The following ST8SIA6 variants were observed in gnomAD, a reference collection of about 807,000 sequenced individuals.
ST8SIA6 encodes ST8 alpha-N-acetyl-neuraminide alpha-2,8-sialyltransferase 6.
Under a neutral mutation model 33.6 loss-of-function variants are expected in ST8SIA6, and 39 were observed. The ratio of observed to expected loss-of-function variants is 1.16; its 90% CI spans 0.90 to 1.52. The LOEUF (loss-of-function observed/expected upper bound fraction) is 1.52, where lower values mean the gene tolerates loss of function less well. ST8SIA6 is among the 40% of genes most tolerant of loss of function. The probability of loss-of-function intolerance (pLI) is 0.00; values close to 1 mark genes in which losing one functional copy is unlikely to be tolerated. For synonymous variants in ST8SIA6, 172 were observed against 167.2 expected (o/e 1.03, Z -0.22); for missense variants, 441 against 443.8 (o/e 0.99, Z 0.06).
rs1475545921 is a variant in ST8SIA6, at chr10:17,320,591, A to C, written c.*287T>G. On this transcript the variant is annotated 3_prime_UTR_variant, in exon 8 of 8. Coordinates refer to ENST00000377602, the MANE Select transcript of ST8SIA6 (RefSeq NM_001004470.3). Reference sequence around the variant, plus strand: ...TGGCTGGTATAAATAGTAAGAAAGAAATATTCTTTGAGTCCCTACCTCACA... The same window carrying C: ...TGGCTGGTATAAATAGTAAGAAAGACATATTCTTTGAGTCCCTACCTCACA... 1 of 370,600 alleles carries C rather than the reference A, an allele frequency of 2.7e-6. No individual in the cohort carries two copies. Among genetic ancestry groups the C allele is most frequent in the Non-Finnish European group, 4.9e-6 (1 of 204,208 alleles). The allele number at this position is 370,600 out of a possible 1,614,324, so 23.0% of individuals were successfully genotyped here. A position where few individuals can be genotyped will look rare whatever the true frequency, so the allele number is the denominator to read the frequency against.
At chr10:17,361,729 C>T (rs113748317) in intron 3 of ST8SIA6, among the ~76,000 whole-genome samples, 1 of 145,806 alleles carries the variant, frequency 6.9e-6, no homozygotes, top group African/African-American at 2.5e-5. Flanking sequence ...AAAAAAAAAC[C>T]GGGCAGGCCA....
intron 2 of ST8SIA6, among the ~76,000 whole-genome samples, chr10:17,401,167 A>G (rs1489972299): frequency 6.6e-6 from 1 of 152,068 alleles, no homozygotes; most frequent in East Asian, 1.9e-4. Flanking sequence ...TCATGAGTGA[A>G]CTCCCATTCA....
chr10:17,336,594 C>CTT (rs10536702), intron 4 of ST8SIA6, among the ~76,000 whole-genome samples: 17 of 126,916 alleles, frequency 1.3e-4, no homozygotes, highest in African/African-American at 3.9e-4. Flanking sequence ...CACATGTGTG[C>CTT]TTTTTTTTTT....
intron 3 of ST8SIA6, among the ~76,000 whole-genome samples, chr10:17,382,720 G>GA (rs1272573700): frequency 6.6e-6 from 1 of 152,200 alleles, no homozygotes; most frequent in Non-Finnish European, 1.5e-5. Context: ...AAAATAAACT[G>GA]CATGCCTGAG....
intron 3 of ST8SIA6, among the ~76,000 whole-genome samples, chr10:17,374,739 T>TA (rs1490969185): frequency 1.8e-4 from 13 of 70,916 alleles, no homozygotes; most frequent in East Asian, 5.9e-4. Context: ...AATAAATAAA[T>TA]AAATAAATAA....
chr10:17,443,137 A>T, intron 2 of ST8SIA6, among the ~76,000 whole-genome samples: 1 of 152,238 alleles, frequency 6.6e-6, no homozygotes, highest in East Asian at 1.9e-4. Context: ...GCAAACAGTA[A>T]AGCAACATTG....
At chr10:17,361,773 C>T (rs541667550) in intron 3 of ST8SIA6, among the ~76,000 whole-genome samples, 36 of 149,628 alleles carry the variant, frequency 2.4e-4, no homozygotes, top group East Asian at 7.8e-4. Context: ...AAAAAATCCT[C>T]GACAAAATAT....
At chr10:17,355,476 A>G (rs1216073990) in intron 4 of ST8SIA6, among the ~76,000 whole-genome samples, 1 of 152,180 alleles carries the variant, frequency 6.6e-6, no homozygotes, top group Admixed American at 6.5e-5. Flanking sequence ...ACAAAGATAA[A>G]CAAGATAATG....
At chr10:17,439,772 A>G (rs1308341965) in intron 2 of ST8SIA6, among the ~76,000 whole-genome samples, 3 of 152,220 alleles carry the variant, frequency 2.0e-5, no homozygotes, top group African/African-American at 7.2e-5. Context: ...CTCCCAGGCC[A>G]ACGGCATGTG....
chr10:17,362,651 T>A (rs7073630), intron 3 of ST8SIA6, among the ~76,000 whole-genome samples: 54,745 of 152,004 alleles, frequency 0.36, 10,170 homozygotes, highest in East Asian at 0.6. Flanking sequence ...AGGACTGACC[T>A]TTTCTAGCCC....
chr10:17,396,772 C>T (rs773806034), intron 2 of ST8SIA6, among the ~76,000 whole-genome samples: 3 of 152,194 alleles, frequency 2.0e-5, no homozygotes, highest in Non-Finnish European at 4.4e-5. Flanking sequence ...CCATCTATTG[C>T]CTTACCTTTC....
At chr10:17,333,960 G>A (rs1848418247) in intron 4 of ST8SIA6, among the ~76,000 whole-genome samples, 1 of 148,884 alleles carries the variant, frequency 6.7e-6, no homozygotes, top group Non-Finnish European at 1.5e-5. Context: ...GGCCTCAAGT[G>A]ATCTGCACCC....
At chr10:17,383,576 CT>C (rs954339739) in intron 3 of ST8SIA6, among the ~76,000 whole-genome samples, 2 of 152,092 alleles carry the variant, frequency 1.3e-5, no homozygotes, top group Non-Finnish European at 2.9e-5. Context: ...CTTAAAACTT[CT>C]TTTTCATCCA....
In ST8SIA6 at chr10:17,337,385, C is replaced by T. The variant is rs147313701; in HGVS notation, c.378-5833G>A. ...TGTTCTTTATTCCTGGAGTAGTAGTCCATGGTATGGATGTACCAGAGTTGG... is the reference window on the plus strand; with the variant it reads ...TGTTCTTTATTCCTGGAGTAGTAGTTCATGGTATGGATGTACCAGAGTTGG... On this transcript the variant is annotated intron_variant, in intron 4 of 7. Coordinates refer to ENST00000377602, the MANE Select transcript of ST8SIA6 (RefSeq NM_001004470.3). Among the ~76,000 whole-genome samples, 383 of 152,254 alleles carry T rather than the reference C, an allele frequency of 2.5e-3. 1 individual carries two copies. The highest frequency in any genetic ancestry group is 8.9e-3 in the African/African-American group (369 of 41,552).
chr10:17,366,022 T>C (rs1340089017), intron 3 of ST8SIA6, among the ~76,000 whole-genome samples: 1 of 152,196 alleles, frequency 6.6e-6, no homozygotes, highest in Non-Finnish European at 1.5e-5. Flanking sequence ...AGTACAGTGC[T>C]ACAAGACTTT....
In ST8SIA6 at chr10:17,321,213, C is replaced by T. The variant is rs763482990; in HGVS notation, c.862G>A (p.Glu288Lys). Reference sequence around the variant, plus strand: ...ACCTTTTGTCTTGCTTTAGACTCTTCGAGCGTGTAGTATACTTTGAAAGAG... The same window carrying T: ...ACCTTTTGTCTTGCTTTAGACTCTTTGAGCGTGTAGTATACTTTGAAAGAG... Reference protein sequence around the residue: ...GTSFKVYYTLEESKARQKVLF... With the variant: ...GTSFKVYYTLKESKARQKVLF... The change falls in exon 8 of 8, where the codon GAA (glutamate) becomes AAA (lysine). Residue 288 changes from glutamate (E) to lysine (K), a missense_variant. Coordinates refer to ENST00000377602, the MANE Select transcript of ST8SIA6 (RefSeq NM_001004470.3). 81 of 1,613,860 alleles carry T rather than the reference C, an allele frequency of 5.0e-5. No homozygotes were observed. Among genetic ancestry groups the T allele is most frequent in the Admixed American group, 1.2e-4 (7 of 59,960 alleles).
At chr10:17,333,702 TATATATATA>T (rs1848390704) in intron 4 of ST8SIA6, among the ~76,000 whole-genome samples, 3 of 28,602 alleles carry the variant, frequency 1.0e-4, no homozygotes, top group African/African-American at 1.7e-4. Flanking sequence ...TATATATATA[TATATATATA>T]TATATATTTT....
intron 2 of ST8SIA6, among the ~76,000 whole-genome samples, chr10:17,434,877 G>A (rs1852203699): frequency 6.6e-6 from 1 of 152,156 alleles, no homozygotes; most frequent in Admixed American, 6.5e-5. Flanking sequence ...CAACTTTCTG[G>A]AGGTGGCCAC....
chr10:17,403,917 T>G (rs1288572867), intron 2 of ST8SIA6, among the ~76,000 whole-genome samples: 1 of 151,906 alleles, frequency 6.6e-6, no homozygotes, highest in Non-Finnish European at 1.5e-5. Flanking sequence ...CAAAAAAAAT[T>G]ACCCAGGTGT....
Sources: allele counts gnomAD v4.1 joint callset (sites outside exome capture counted in the v4.1 genomes callset), GRCh38; gene constraint gnomAD v4.1.1; transcripts MANE v1.5; gene names NCBI Gene and HGNC (gene_info 2026-07-23, HGNC 2026-07-21).